The following DLG2 variants were observed in gnomAD, a reference collection of about 807,000 sequenced individuals.
DLG2 encodes disks large homolog 2.
Under a neutral mutation model 132.5 loss-of-function variants are expected in DLG2, and 45 were observed. The ratio of observed to expected loss-of-function variants is 0.34; its 90% CI spans 0.27 to 0.44. The LOEUF is 0.44. Ranked by LOEUF, DLG2 falls within the 20% of genes least tolerant of loss-of-function variation. DLG2 has a pLI of 1.00. For missense variants in DLG2, 1,045 were observed against 1,196.9 expected, an observed-to-expected ratio of 0.87 and a Z score of 1.87; for synonymous variants, 424 against 419.6, an observed-to-expected ratio of 1.01 and a Z score of -0.13.
intron 5 of DLG2, among the ~76,000 whole-genome samples, chr11:85,123,820 G>A (rs1389213953): frequency 6.6e-6 from 1 of 152,086 alleles, no homozygotes; most frequent in East Asian, 1.9e-4. Context: ...GATATGAGGG[G>A]CAAAGGTTAT....
intron 6 of DLG2, among the ~76,000 whole-genome samples, chr11:85,092,220 C>CT (rs140037841): frequency 0.022 from 3,344 of 152,070 alleles, 122 homozygotes; most frequent in African/African-American, 0.075. Flanking sequence ...TGAAAGAGAT[C>CT]TTTTTTTCTG....
chr11:83,966,339 G>A (rs116528011), intron 12 of DLG2, among the ~76,000 whole-genome samples: 3,786 of 152,016 alleles, frequency 0.025, 148 homozygotes, highest in African/African-American at 0.077. Context: ...TTTAATATGA[G>A]TCTATTCAGA....
At chr11:84,429,162 C>T (rs1178015557) in intron 7 of DLG2, among the ~76,000 whole-genome samples, 1 of 152,142 alleles carries the variant, frequency 6.6e-6, no homozygotes, top group Non-Finnish European at 1.5e-5. Flanking sequence ...CAAGGAAGTT[C>T]CAGACCTTTT....
chr11:84,828,778 G>A (rs1689690243), intron 6 of DLG2, among the ~76,000 whole-genome samples: 1 of 151,736 alleles, frequency 6.6e-6, no homozygotes, highest in Non-Finnish European at 1.5e-5. Context: ...CACAATTTAA[G>A]CTCTACTGAA....
Position 83,578,041 on chromosome 11 carries a change from T to TG in DLG2, c.1941-36184_1941-36183insC, listed in dbSNP as rs2096909152. Among the ~76,000 whole-genome samples, 8 of 100,308 alleles carry TG rather than the reference T, an allele frequency of 8.0e-5. No homozygotes were observed. In the South Asian group the frequency reaches 2.6e-3, roughly 32 times the overall value. The allele number at this position is 100,308 out of a possible 152,430, so 65.8% of individuals were successfully genotyped here. ...ACTAACAATGTGTCATGGGGTTTAT[T>TG]TTGTGTGTGTGTGTGTATACATATA... On this transcript the variant is annotated intron_variant, in intron 19 of 27. Coordinates refer to ENST00000376104, the MANE Select transcript of DLG2 (RefSeq NM_001142699.3).
intron 18 of DLG2, among the ~76,000 whole-genome samples, chr11:83,648,406 T>A (rs946833994): frequency 1.3e-4 from 20 of 152,174 alleles, no homozygotes; most frequent in African/African-American, 4.8e-4. Context: ...CTTCTGCCTC[T>A]GAAGAGGAGA....
At chr11:85,138,204 G>C (rs901023946) in intron 5 of DLG2, among the ~76,000 whole-genome samples, 1 of 152,116 alleles carries the variant, frequency 6.6e-6, no homozygotes, top group African/African-American at 2.4e-5. Flanking sequence ...TGATAGCCAT[G>C]TAGCTCTCCC....
At chr11:84,936,329 T>C (rs574379811) in intron 6 of DLG2, among the ~76,000 whole-genome samples, 3 of 152,312 alleles carry the variant, frequency 2.0e-5, no homozygotes, top group East Asian at 1.9e-4. Context: ...TTAGAAATTA[T>C]AGGTTAGCAT....
chr11:84,187,989 A>G (rs1227871911), intron 8 of DLG2, among the ~76,000 whole-genome samples: 4 of 152,162 alleles, frequency 2.6e-5, no homozygotes, highest in Non-Finnish European at 4.4e-5. Context: ...CACAGCCTTC[A>G]GCTTTTCCCA....
At chr11:85,061,536 G>A (rs2064133654) in intron 6 of DLG2, among the ~76,000 whole-genome samples, 1 of 151,644 alleles carries the variant, frequency 6.6e-6, no homozygotes, top group African/African-American at 2.4e-5. Context: ...TGTCAGTCAA[G>A]GCTCAAAAAA....
At chr11:85,599,044 G>A (rs990317301) in intron 2 of DLG2, among the ~76,000 whole-genome samples, 6 of 152,162 alleles carry the variant, frequency 3.9e-5, no homozygotes, top group East Asian at 1.9e-4. Context: ...TCCTGGCCAC[G>A]ATGTTCAAGT....
At chr11:85,056,333 C>A (rs1041300670) in intron 6 of DLG2, among the ~76,000 whole-genome samples, 1 of 151,750 alleles carries the variant, frequency 6.6e-6, no homozygotes, top group East Asian at 1.9e-4. Context: ...GAAAAAGAAT[C>A]AATGAAAATT....
In DLG2 at chr11:84,626,847, A is replaced by ACATTTTATTTTATTTTATTTTATT. The variant is rs373094154; in HGVS notation, c.358-92117_358-92116insAATAAAATAAAATAAAATAAAATG. On this transcript the variant is annotated intron_variant, in intron 6 of 27. Coordinates refer to ENST00000376104, the MANE Select transcript of DLG2 (RefSeq NM_001142699.3). ...GGAAGCCAAGTGGCTCATCAATTAC[A>ACATTTTATTTTATTTTATTTTATT]TATTTTATTTTATTTTATTTTATTT... Among the ~76,000 whole-genome samples the ACATTTTATTTTATTTTATTTTATT allele has an allele frequency of 2.5e-3, 360 of 144,098 alleles. 8 individuals carry two copies. The highest frequency in any genetic ancestry group is 9.0e-3 in the African/African-American group (348 of 38,540). The allele number at this position is 144,098 out of a possible 152,430, so 94.5% of individuals were successfully genotyped here.
At position 85,256,795 on chromosome 11, in the gene DLG2, C is replaced by A. The variant is rs536838995; in HGVS notation, c.186+28425G>T. ...TATACTTTGGCCATTAAAAAAAAGT[C>A]TTTACAAAAAAGTCTAGTGTATCAT... On this transcript the variant is annotated intron_variant, in intron 4 of 27. Transcript: ENST00000376104. 6.6e-5 allele frequency among the ~76,000 whole-genome samples: 10 copies of A among 152,200 alleles called. No individual in the cohort carries two copies. In the East Asian group the frequency reaches 1.9e-3, roughly 29 times the overall value.
chr11:85,172,775 C>G (rs1051747964), intron 4 of DLG2, among the ~76,000 whole-genome samples: 1 of 152,072 alleles, frequency 6.6e-6, no homozygotes, highest in Non-Finnish European at 1.5e-5. Context: ...TTAGTGGGAA[C>G]ATAATAGATC....
rs115934586 is a variant in DLG2, at chr11:84,333,514, A to G, written c.520-82223T>C. 2.3e-3 allele frequency among the ~76,000 whole-genome samples: 346 copies of G among 152,352 alleles called. 3 individuals are homozygous for G. The highest frequency in any genetic ancestry group is 8.2e-3 in the African/African-American group (339 of 41,586). ...TTTCAAAAGCAATCTAAAGCAATCA[A>G]TTCTAGTCTGCAATAACTTTTGAAG... On this transcript the variant is annotated intron_variant, in intron 7 of 27. Transcript: ENST00000376104.
At chr11:84,355,409 T>A (rs902578193) in intron 7 of DLG2, among the ~76,000 whole-genome samples, 3 of 151,922 alleles carry the variant, frequency 2.0e-5, no homozygotes, top group Non-Finnish European at 4.4e-5. Flanking sequence ...AGAGCTCTCA[T>A]GAATGGAATT....
chr11:85,598,932 A>G (rs1250227041), intron 2 of DLG2, 144 bp from the exon 3 acceptor site: 1 of 364,522 alleles, frequency 2.7e-6, no homozygotes, highest in Non-Finnish European at 4.8e-6. Flanking sequence ...CTACCATATG[A>G]AAATAATTAT....
intron 9 of DLG2, among the ~76,000 whole-genome samples, chr11:84,120,964 G>T (rs2093881779): frequency 6.6e-6 from 1 of 152,192 alleles, no homozygotes; most frequent in African/African-American, 2.4e-5. Flanking sequence ...TCAGTGGATT[G>T]TAAGCTACAA....
Sources: gnomAD v4.1 joint callset for allele counts (sites outside exome capture counted in the v4.1 genomes callset) on GRCh38, gnomAD v4.1.1 for gene constraint, MANE v1.5 for transcripts, NCBI Gene and HGNC (gene_info 2026-07-23, HGNC 2026-07-21) for gene names.